Variants in ERI3 observed in about 807,000 individuals in gnomAD.
ERI3 encodes the protein ERI1 exoribonuclease family member 3.
In ERI3, 18 loss-of-function variants were observed where a neutral mutation model predicts 44.4. That is an observed-to-expected ratio of 0.41 (90% CI 0.28 to 0.60). The LOEUF (loss-of-function observed/expected upper bound fraction) is 0.60, where lower values mean the gene tolerates loss of function less well. Among genes scored for constraint, ERI3 ranks in the 20% least tolerant of loss-of-function variants. ERI3 has a pLI of 0.36. For synonymous variants in ERI3, 183 were observed against 164.8 expected (o/e 1.11, Z -0.84); for missense variants, 294 against 435.5 (o/e 0.68, Z 2.89).
At chr1:44,250,082 T>C (rs1166249740) in intron 7 of ERI3, among the ~76,000 whole-genome samples, 1 of 152,200 alleles carries the variant, frequency 6.6e-6, no homozygotes, top group Non-Finnish European at 1.5e-5. Flanking sequence ...TAGTGAAGAA[T>C]AACATCGTCT....
intron 7 of ERI3, among the ~76,000 whole-genome samples, chr1:44,274,752 G>A (rs552718850): frequency 1.3e-5 from 2 of 152,294 alleles, no homozygotes; most frequent in East Asian, 3.9e-4. Flanking sequence ...CAGCTCCCAA[G>A]ACTGTTCCCT....
intron 6 of ERI3, among the ~76,000 whole-genome samples, chr1:44,299,899 C>T (rs887448279): frequency 5.3e-5 from 8 of 152,196 alleles, no homozygotes; most frequent in African/African-American, 1.9e-4. Flanking sequence ...AATACAGAAC[C>T]AGACTTCCAA....
intron 3 of ERI3, among the ~76,000 whole-genome samples, chr1:44,331,665 A>T (rs766613513): frequency 6.6e-6 from 1 of 152,366 alleles, no homozygotes; most frequent in South Asian, 2.1e-4. Flanking sequence ...TGCCAGGTTC[A>T]AAGTCTTTAT....
chr1:44,353,413 A>C (rs930217782), intron 1 of ERI3: 5 of 985,338 alleles, frequency 5.1e-6, no homozygotes, highest in Non-Finnish European at 6.0e-6. Flanking sequence ...AGGTAACTAA[A>C]TCCCAAGTCA....
intron 6 of ERI3, among the ~76,000 whole-genome samples, chr1:44,303,029 G>A (rs1360587751): frequency 6.6e-6 from 1 of 152,224 alleles, no homozygotes; most frequent in Non-Finnish European, 1.5e-5. Flanking sequence ...TAGGGCTCCT[G>A]GTAAGTAATA....
chr1:44,327,444 T>A (rs1324965141), intron 3 of ERI3, among the ~76,000 whole-genome samples: 1 of 152,234 alleles, frequency 6.6e-6, no homozygotes, highest in East Asian at 1.9e-4. Context: ...TATAAGCCAT[T>A]ACATATCAAA....
At chr1:44,305,848 T>C (rs575458324) in intron 6 of ERI3, among the ~76,000 whole-genome samples, 41 of 152,324 alleles carry the variant, frequency 2.7e-4, no homozygotes, top group African/African-American at 9.4e-4. Context: ...TCCTAAGACT[T>C]AGTTAAATCT....
chr1:44,270,225 A>G (rs772768720), intron 7 of ERI3, among the ~76,000 whole-genome samples: 60 of 152,170 alleles, frequency 3.9e-4, no homozygotes, highest in Non-Finnish European at 8.1e-4. Flanking sequence ...GACTCAATAG[A>G]TAAGTTCATC....
chr1:44,228,297 C>A lies in ERI3; in HGVS notation c.932-6657G>T, dbSNP rs1160121236. 1.3e-5 allele frequency among the ~76,000 whole-genome samples: 2 copies of A among 152,144 alleles called. No individual in the cohort carries two copies. Among genetic ancestry groups the A allele is most frequent in the Admixed American group, 6.5e-5 (1 of 15,272 alleles). ...GCCACAGGCTGATGGTGAAGGATGACGATGGTTCCACAATAAGGGGAAAAG... is the reference window on the plus strand; with the variant it reads ...GCCACAGGCTGATGGTGAAGGATGAAGATGGTTCCACAATAAGGGGAAAAG... On this transcript the variant is annotated intron_variant, in intron 8 of 8. Coordinates refer to ENST00000372257, the MANE Select transcript of ERI3 (RefSeq NM_024066.3). This position sits in a 1 kb window ranked among gnomAD's most constrained non-coding sequence, Gnocchi z 4.3.
Position 44,333,406 on chromosome 1 carries a change from C to G in ERI3, c.489+5639G>C, listed in dbSNP as rs78363804. The stretch of plus-strand genomic sequence containing the variant: ...GACCACAATCCAAGGATTAGGCTCT[C>G]CAGGAAAAAGGCCTGGGCCCCATCC... On this transcript the variant is annotated intron_variant, in intron 3 of 8. Coordinates refer to ENST00000372257, the MANE Select transcript of ERI3 (RefSeq NM_024066.3). Among the ~76,000 whole-genome samples the G allele has an allele frequency of 8.3e-3, 1,263 of 152,312 alleles. 18 individuals carry two copies. The highest frequency in any genetic ancestry group is 0.028 in the African/African-American group (1,168 of 41,564).
chr1:44,224,116 A>C (rs1643973445), intron 8 of ERI3, among the ~76,000 whole-genome samples: 1 of 152,164 alleles, frequency 6.6e-6, no homozygotes, highest in Non-Finnish European at 1.5e-5. Flanking sequence ...TCAAGTATGA[A>C]CTTACGCAGA....
intron 8 of ERI3, among the ~76,000 whole-genome samples, chr1:44,232,994 TC>T (rs1017967926): frequency 1.3e-5 from 2 of 152,184 alleles, no homozygotes; most frequent in Non-Finnish European, 2.9e-5. Flanking sequence ...TTGCCAATCC[TC>T]AACTCTCTTA....
chr1:44,276,292 C>T (rs182017998), intron 7 of ERI3, among the ~76,000 whole-genome samples: 7 of 152,326 alleles, frequency 4.6e-5, no homozygotes, highest in Admixed American at 2.0e-4. Context: ...CAGGCCCAGG[C>T]GTCAGAGGGA....
At chr1:44,336,212 T>C (rs1269437638) in intron 3 of ERI3, among the ~76,000 whole-genome samples, 1 of 152,218 alleles carries the variant, frequency 6.6e-6, no homozygotes, top group Non-Finnish European at 1.5e-5. Flanking sequence ...ACCGGACCTA[T>C]GTTGACCTCA....
Position 44,288,847 on chromosome 1 carries a change from A to G in ERI3, c.759-3940T>C, listed in dbSNP as rs375311808. On this transcript the variant is annotated intron_variant, in intron 6 of 8. Coordinates refer to ENST00000372257, the MANE Select transcript of ERI3 (RefSeq NM_024066.3). ...GTACATGGTTCCACCAATTTCTCAG[A>G]AAAAAAAAAAAAGTTCCCCAGGCAC... Among the ~76,000 whole-genome samples the G allele has an allele frequency of 3.2e-4, 47 of 145,298 alleles. No individual in the cohort carries two copies. The East Asian group carries it at 7.0e-3, about 22-fold the overall frequency.
chr1:44,298,963 T>TA (rs988451241), intron 6 of ERI3, among the ~76,000 whole-genome samples: 18 of 152,070 alleles, frequency 1.2e-4, no homozygotes, highest in Admixed American at 9.8e-4. Context: ...CAACAATAGG[T>TA]AAAAACTAAC....
intron 3 of ERI3, among the ~76,000 whole-genome samples, chr1:44,338,529 G>C (rs1646580994): frequency 6.6e-6 from 1 of 152,258 alleles, no homozygotes; most frequent in South Asian, 2.1e-4. Flanking sequence ...CCCAGAGCAA[G>C]TGGTCCAAAA....
At chr1:44,264,130 A>T (rs912739005) in intron 7 of ERI3, among the ~76,000 whole-genome samples, 1 of 152,214 alleles carries the variant, frequency 6.6e-6, no homozygotes, top group Non-Finnish European at 1.5e-5. Flanking sequence ...AGCAAAGCGA[A>T]ATCATTTACT....
chr1:44,262,504 A>G (rs1290173621), intron 7 of ERI3, among the ~76,000 whole-genome samples: 1 of 152,214 alleles, frequency 6.6e-6, no homozygotes, highest in Non-Finnish European at 1.5e-5. Context: ...TGCCCATGGC[A>G]CAGCACTTCC....
Sources: allele counts gnomAD v4.1 joint callset (sites outside exome capture counted in the v4.1 genomes callset), GRCh38; gene constraint gnomAD v4.1.1; non-coding constraint Gnocchi (gnomAD v3.1); transcripts MANE v1.5; gene names NCBI Gene and HGNC (gene_info 2026-07-23, HGNC 2026-07-21).